Variants in FAM81A observed in about 807,000 individuals in gnomAD.
FAM81A encodes the protein family with sequence similarity 81 member A, also known as protein FAM81A.
A neutral mutation model predicts 46.7 loss-of-function variants in FAM81A; 19 were observed. The observed-to-expected ratio is 0.41, with a 90% CI of 0.28 to 0.60. The LOEUF is 0.60. Ranked by LOEUF, FAM81A falls within the 20% of genes least tolerant of loss-of-function variation. The pLI is 0.34. For missense variants in FAM81A, 377 were observed against 453.5 expected (o/e 0.83, Z 1.53); for synonymous variants, 183 against 152.9 (o/e 1.20, Z -1.45).
At chr15:59,427,293 T>C (rs1244279629) in intron 2 of FAM81A, among the ~76,000 whole-genome samples, 1 of 152,118 alleles carries the variant, frequency 6.6e-6, no homozygotes, top group Non-Finnish European at 1.5e-5. Context: ...GTATTTTTAG[T>C]AGAGACGGGG....
chr15:59,485,700 C>T (rs1295577844), intron 3 of FAM81A, among the ~76,000 whole-genome samples: 1 of 152,150 alleles, frequency 6.6e-6, no homozygotes, highest in African/African-American at 2.4e-5. Context: ...AGCATCAAGA[C>T]CATCTAGGAA....
chr15:59,451,455 T>C (rs1036505193), intron 1 of FAM81A, among the ~76,000 whole-genome samples: 2 of 7,678 alleles, frequency 2.6e-4, no homozygotes, highest in Admixed American at 2.0e-3. Context: ...CACCAATAAT[T>C]TTTTTTTTTT....
At chr15:59,423,915 A>G (rs2081185204) in intron 2 of FAM81A, among the ~76,000 whole-genome samples, 1 of 152,216 alleles carries the variant, frequency 6.6e-6, no homozygotes, top group Admixed American at 6.5e-5. Flanking sequence ...ATTTTTTTAA[A>G]GAACGAAACA....
intron 8 of FAM81A, 34 bp from the exon 9 acceptor site, chr15:59,521,220 T>C: frequency 3.2e-6 from 5 of 1,586,228 alleles, no homozygotes; most frequent in Non-Finnish European, 4.3e-6. Flanking sequence ...TTAAAAAAAT[T>C]GTTAACTGTT....
rs1169503327 is a variant in FAM81A at position 59,489,848 on chromosome 15, TC to T, written c.295-2421del. Reference sequence around the variant, plus strand: ...TAAGTGGTGCTGGGAAAACTGAATATCCATATGCAGAAGCATGAAATTAGAC... The same window carrying T: ...TAAGTGGTGCTGGGAAAACTGAATATCATATGCAGAAGCATGAAATTAGAC... On this transcript the variant is annotated intron_variant, in intron 3 of 8. Coordinates refer to ENST00000288228, the MANE Select transcript of FAM81A (RefSeq NM_152450.3). Among the ~76,000 whole-genome samples the T allele has an allele frequency of 4.6e-5, 7 of 152,214 alleles. No homozygotes were observed. In the East Asian group the frequency reaches 1.4e-3, roughly 29 times the overall value.
At chr15:59,426,772 C>T (rs1480213344) in intron 2 of FAM81A, among the ~76,000 whole-genome samples, 1 of 152,188 alleles carries the variant, frequency 6.6e-6, no homozygotes, top group African/African-American at 2.4e-5. Context: ...CTCGACATAC[C>T]TCTGCCACAT....
At chr15:59,495,147 A>G (rs1446704342) in intron 4 of FAM81A, among the ~76,000 whole-genome samples, 2 of 152,190 alleles carry the variant, frequency 1.3e-5, no homozygotes, top group African/African-American at 4.8e-5. Flanking sequence ...GAACGTTTTT[A>G]TCATCCAAAA....
chr15:59,417,405 CAAAA>C (rs1555425737), intron 2 of FAM81A, among the ~76,000 whole-genome samples: 6 of 150,990 alleles, frequency 4.0e-5, no homozygotes, highest in African/African-American at 1.2e-4. Flanking sequence ...AACAAACAAA[CAAAA>C]AAACAAGCTT....
At chr15:59,405,301 G>A (rs1318095783) in intron 2 of FAM81A, among the ~76,000 whole-genome samples, 1 of 152,144 alleles carries the variant, frequency 6.6e-6, no homozygotes, top group Non-Finnish European at 1.5e-5. Context: ...GAACAGAGTG[G>A]GAGGGGTTTG....
chr15:59,460,251 A>T lies in FAM81A; in HGVS notation c.294+45A>T. The T allele has an allele frequency of 6.2e-7, 1 of 1,613,530 alleles. No homozygotes were observed. Among genetic ancestry groups the T allele is most frequent in the Non-Finnish European group, 8.5e-7 (1 of 1,179,772 alleles). On this transcript the variant is annotated intron_variant, in intron 3 of 8. Coordinates refer to ENST00000288228, the MANE Select transcript of FAM81A (RefSeq NM_152450.3). The surrounding 1 kb of genome is among the most constrained non-coding windows in gnomAD (Gnocchi z 4.4). ...GGTGGCCTATGTCCCTTTCCACAGA[A>T]TTGCTCCATGTCAGGAGGTCACCCA...
chr15:59,468,206 G>A (rs566832877), intron 3 of FAM81A, among the ~76,000 whole-genome samples: 1 of 152,272 alleles, frequency 6.6e-6, no homozygotes, highest in African/African-American at 2.4e-5. Context: ...TTGGTATCAG[G>A]AAGATGCTGG....
chr15:59,431,460 C>T (rs1454871229), intron 2 of FAM81A, among the ~76,000 whole-genome samples: 1 of 151,874 alleles, frequency 6.6e-6, no homozygotes, highest in African/African-American at 2.4e-5. Context: ...GTCTCGAACT[C>T]CTGACCTCAT....
chr15:59,516,428 C>T (rs542560174), intron 7 of FAM81A, among the ~76,000 whole-genome samples: 2 of 152,300 alleles, frequency 1.3e-5, no homozygotes, highest in South Asian at 4.1e-4. Flanking sequence ...CCGCACCCAG[C>T]CTGAAAATGT....
intron 8 of FAM81A, among the ~76,000 whole-genome samples, chr15:59,517,115 A>G (rs145630160): frequency 2.8e-4 from 43 of 152,300 alleles, no homozygotes; most frequent in Admixed American, 5.9e-4. Context: ...CCATCGGCCA[A>G]TTCTTTTCTG....
rs71119479 is a variant in FAM81A, at chr15:59,510,777, CAAAAAAAAAAAAAAAAAA to C, written c.650+1821_650+1838del. Among the ~76,000 whole-genome samples, 108 of 25,786 alleles carry C rather than the reference CAAAAAAAAAAAAAAAAAA, an allele frequency of 4.2e-3. 2 individuals carry two copies. The highest frequency in any genetic ancestry group is 9.2e-3 in the African/African-American group (57 of 6,200). The allele number at this position is 25,786 out of a possible 152,430, so 16.9% of individuals were successfully genotyped here. ...TAAGTGACAGAATGAGACCCTGTCT[CAAAAAAAAAAAAAAAAAA>C]AAAAAAAAAAAAGAACTCAAAGTGT... On this transcript the variant is annotated intron_variant, in intron 6 of 8. Coordinates refer to ENST00000288228, the MANE Select transcript of FAM81A (RefSeq NM_152450.3).
intron 2 of FAM81A, among the ~76,000 whole-genome samples, chr15:59,428,254 G>C (rs2081203678): frequency 6.6e-6 from 1 of 152,004 alleles, no homozygotes; most frequent in African/African-American, 2.4e-5. Flanking sequence ...TGGATTATTA[G>C]ATATTTTTCC....
intron 1 of FAM81A, 50 bp from the exon 2 acceptor site, chr15:59,458,500 A>T (rs2081510710): frequency 7.5e-7 from 1 of 1,330,762 alleles, no homozygotes; most frequent in Non-Finnish European, 1.0e-6. Context: ...TTTTGAGGTT[A>T]AGTTCTAGAT....
intron 2 of FAM81A, among the ~76,000 whole-genome samples, chr15:59,422,730 C>A (rs561598374): frequency 6.6e-6 from 1 of 152,246 alleles, no homozygotes; most frequent in African/African-American, 2.4e-5. Context: ...TCTGTCTCAG[C>A]CTCCCAAAGT....
chr15:59,459,660 T>G (rs2081526716), intron 2 of FAM81A, among the ~76,000 whole-genome samples: 1 of 152,090 alleles, frequency 6.6e-6, no homozygotes, highest in Non-Finnish European at 1.5e-5. Flanking sequence ...TAGATTATAT[T>G]GGGGAGACAT....
Sources: allele counts gnomAD v4.1 joint callset (sites outside exome capture counted in the v4.1 genomes callset), GRCh38; gene constraint gnomAD v4.1.1; non-coding constraint Gnocchi (gnomAD v3.1); transcripts MANE v1.5; gene names NCBI Gene and HGNC (gene_info 2026-07-23, HGNC 2026-07-21).